Variants in LRTM1 observed in about 807,000 individuals in gnomAD.
LRTM1 encodes leucine rich repeat transmembrane protein 1, also known as leucine-rich repeat and transmembrane domain-containing protein 1.
Under a neutral mutation model 32.4 loss-of-function variants are expected in LRTM1, and 38 were observed. The ratio of observed to expected loss-of-function variants is 1.17; its 90% CI spans 0.91 to 1.54. The LOEUF is 1.54. Among genes scored for constraint, LRTM1 ranks in the 40% most tolerant of loss-of-function variants. LRTM1 has a pLI of 0.00. For missense variants in LRTM1, 466 were observed against 415.4 expected (o/e 1.12, Z -1.06); for synonymous variants, 186 against 169.9 (o/e 1.09, Z -0.74).
intron 1 of LRTM1, among the ~76,000 whole-genome samples, chr3:54,934,228 G>A (rs1335079924): frequency 6.6e-6 from 1 of 152,164 alleles, no homozygotes; most frequent in African/African-American, 2.4e-5. Flanking sequence ...TTCATTTTAT[G>A]CCCTAAGGTC....
chr3:54,951,152 T>C (rs916504876), intron 1 of LRTM1, among the ~76,000 whole-genome samples: 6 of 152,184 alleles, frequency 3.9e-5, no homozygotes, highest in African/African-American at 9.7e-5. Flanking sequence ...AAAATAGATA[T>C]TGTAATATTT....
In LRTM1 at chr3:54,925,197, G is replaced by A. The variant is rs1474739377; in HGVS notation, c.26C>T (p.Ser9Phe). 5.0e-6 allele frequency: 8 copies of A among 1,612,082 alleles called. No homozygotes were observed. Among genetic ancestry groups the A allele is most frequent in the Non-Finnish European group, 6.8e-6 (8 of 1,178,390 alleles). ...CACCTGGAGCAGGACAATCACACTG[G>A]AAAACAGGAGCAGTTCACCTACAAC... MKGELLLF[S>F]SVIVLLQVVC... Residue 9 changes from serine to phenylalanine, a missense_variant, in exon 2 of 3, where the codon TCC (serine) becomes TTC (phenylalanine). By Grantham distance (155) the Ser-to-Phe change is radical. Transcript: ENST00000273286.
chr3:54,927,958 T>C lies in LRTM1; in HGVS notation c.-47A>G, dbSNP rs765874953. 14 of 1,600,386 alleles carry C rather than the reference T, an allele frequency of 8.7e-6. No individual in the cohort carries two copies. The highest frequency in any genetic ancestry group is 3.3e-4 in the Middle Eastern group (2 of 6,042). Reference sequence around the variant, plus strand: ...CTTGCTGACCTCGTAGACCCTTTAATTAATGTGCAGAGCAACACACGAAGG... The same window carrying C: ...CTTGCTGACCTCGTAGACCCTTTAACTAATGTGCAGAGCAACACACGAAGG... On this transcript the variant is annotated 5_prime_UTR_variant, in exon 1 of 3. An upstream open reading frame in the 5' UTR loses its in-frame stop. Transcript: ENST00000273286.
At chr3:54,961,040 T>C (rs1702020033) in intron 1 of LRTM1, among the ~76,000 whole-genome samples, 1 of 152,214 alleles carries the variant, frequency 6.6e-6, no homozygotes, top group South Asian at 2.1e-4. Flanking sequence ...TCGTTGTTAG[T>C]TCTACTTGCA....
chr3:54,963,023 G>C (rs891634243), intron 1 of LRTM1, among the ~76,000 whole-genome samples: 1 of 152,116 alleles, frequency 6.6e-6, no homozygotes, highest in Non-Finnish European at 1.5e-5. Context: ...CTATTAACAT[G>C]ATATGAGATG....
intron 2 of LRTM1, among the ~76,000 whole-genome samples, chr3:54,921,329 C>T (rs758358972): frequency 1.3e-5 from 2 of 152,164 alleles, no homozygotes; most frequent in Non-Finnish European, 2.9e-5. Flanking sequence ...TTAAAATTCA[C>T]TTCCCAAGAT....
At chr3:54,965,925 A>T (rs1167512566) in intron 1 of LRTM1, among the ~76,000 whole-genome samples, 1 of 152,112 alleles carries the variant, frequency 6.6e-6, no homozygotes, top group Non-Finnish European at 1.5e-5. Flanking sequence ...AGCCTGCTGG[A>T]GGGAGATCAG....
chr3:54,949,219 A>T (rs1452671988), intron 1 of LRTM1, among the ~76,000 whole-genome samples: 1 of 152,216 alleles, frequency 6.6e-6, no homozygotes, highest in African/African-American at 2.4e-5. Flanking sequence ...GCACAGGAGC[A>T]TAGGATGCAT....
chr3:54,943,980 A>G (rs1427364665), intron 1 of LRTM1, among the ~76,000 whole-genome samples: 2 of 152,202 alleles, frequency 1.3e-5, no homozygotes, highest in African/African-American at 4.8e-5. Flanking sequence ...AAAGGTCTTC[A>G]TTCCATGCCT....
At chr3:54,928,249 G>A (rs1701084440), upstream of LRTM1, among the ~76,000 whole-genome samples, 1 of 152,118 alleles carries the variant, frequency 6.6e-6, no homozygotes, top group South Asian at 2.1e-4. Context: ...GTCAAACCTT[G>A]GTGAACAGCT....
At chr3:54,947,737 T>C (rs116578519) in intron 1 of LRTM1, among the ~76,000 whole-genome samples, 2,543 of 152,258 alleles carry the variant, frequency 0.017, 67 homozygotes, top group African/African-American at 0.057. Context: ...AGTTACCCTA[T>C]GTATTCCAAA....
chr3:54,943,390 A>C (rs535111018), intron 1 of LRTM1, among the ~76,000 whole-genome samples: 1 of 152,044 alleles, frequency 6.6e-6, no homozygotes, highest in Non-Finnish European at 1.5e-5. Flanking sequence ...ATGTGTATTT[A>C]CTTCCTTTAA....
chr3:54,944,613 G>A (rs1225507766), intron 1 of LRTM1, among the ~76,000 whole-genome samples: 2 of 152,036 alleles, frequency 1.3e-5, no homozygotes, highest in South Asian at 4.1e-4. Context: ...AGTAGAGACA[G>A]GGTTTCACCG....
intron 1 of LRTM1, among the ~76,000 whole-genome samples, chr3:54,953,036 TAC>T (rs1701797308): frequency 6.6e-6 from 1 of 152,190 alleles, no homozygotes; most frequent in Non-Finnish European, 1.5e-5. Context: ...GGAAAAACTG[TAC>T]AGAGACTCAA....
intron 1 of LRTM1, among the ~76,000 whole-genome samples, chr3:54,940,942 C>T (rs1253877516): frequency 6.6e-6 from 1 of 152,180 alleles, no homozygotes; most frequent in Non-Finnish European, 1.5e-5. Context: ...ATCCTCTTAA[C>T]AAGACTAACT....
At chr3:54,962,744 C>G (rs1244153113) in intron 1 of LRTM1, among the ~76,000 whole-genome samples, 1 of 152,072 alleles carries the variant, frequency 6.6e-6, no homozygotes, top group African/African-American at 2.4e-5. Context: ...TTTGGATGAG[C>G]TCTCTATGTG....
In LRTM1 at chr3:54,924,649, T is replaced by C. The variant is rs1700957555; in HGVS notation, c.574A>G (p.Lys192Glu). The C allele has an allele frequency of 7.4e-6, 12 of 1,614,004 alleles. No individual in the cohort carries two copies. Among genetic ancestry groups the C allele is most frequent in the African/African-American group, 1.3e-5 (1 of 74,928 alleles). Reference protein sequence around the residue: ...WKCNCHLLGLKLWLEKFVYKG... With the variant: ...WKCNCHLLGLELWLEKFVYKG... ...TAGACAAATTTCTCCAGCCAGAGTTTAAGACCGAGCAAGTGGCAATTGCAT... is the reference window on the plus strand; with the variant it reads ...TAGACAAATTTCTCCAGCCAGAGTTCAAGACCGAGCAAGTGGCAATTGCAT... Residue 192 changes from lysine to glutamate, a missense_variant, in exon 2 of 3, where the codon AAA (lysine) becomes GAA (glutamate). By Grantham distance (56) the Lys-to-Glu change is moderately conservative. Transcript: ENST00000273286.
upstream of LRTM1, among the ~76,000 whole-genome samples, chr3:54,931,910 G>A (rs1389757937): frequency 6.6e-6 from 1 of 152,178 alleles, no homozygotes; most frequent in African/African-American, 2.4e-5. Flanking sequence ...GCCAGGCTCA[G>A]TGGTTCACGC....
chr3:54,960,343 A>AC (rs1201288687), intron 1 of LRTM1, among the ~76,000 whole-genome samples: 4 of 151,966 alleles, frequency 2.6e-5, no homozygotes, highest in Non-Finnish European at 5.9e-5. Context: ...AAGATTACCA[A>AC]CCCCCCATAC....
Sources: allele counts gnomAD v4.1 joint callset (sites outside exome capture counted in the v4.1 genomes callset), GRCh38; gene constraint gnomAD v4.1.1; transcripts MANE v1.5; gene names NCBI Gene and HGNC (gene_info 2026-07-23, HGNC 2026-07-21).